Variants in KRT23 observed in about 807,000 individuals in gnomAD.
KRT23 encodes keratin 23.
KRT23 carries 38 observed loss-of-function variants against 47.6 expected under a neutral mutation model. The ratio of observed to expected loss-of-function variants is 0.80; its 90% CI spans 0.62 to 1.05. The LOEUF is 1.05. Among genes scored for constraint, KRT23 ranks in the 50% least tolerant of loss-of-function variants. The pLI is 0.00. For missense variants in KRT23, 503 were observed against 529.5 expected (o/e 0.95, Z 0.49); for synonymous variants, 191 against 199.0 (o/e 0.96, Z 0.34).
rs775468870 is a variant in KRT23, at chr17:40,936,591, G to T, written c.13C>A (p.His5Asn). 4 of 1,515,854 alleles carry T rather than the reference G, an allele frequency of 2.6e-6. No homozygotes were observed. The highest frequency in any genetic ancestry group is 1.8e-6 in the Non-Finnish European group (2 of 1,134,758). The allele number at this position is 1,515,854 out of a possible 1,614,324, so 93.9% of individuals were successfully genotyped here. A position where few individuals can be genotyped will look rare whatever the true frequency, so the allele number is the denominator to read the frequency against. ...GCCGAGGGGGTCTGGCTGAAGCTGT[G>T]TCCGGAGTTCATGGTCCCATCTGTG... The part of the protein sequence containing the change: MNSG[H>N]SFSQTPSASF... The change falls in exon 2 of 9, where the codon CAC (histidine) becomes AAC (asparagine). Residue 5 changes from histidine (H) to asparagine (N), a missense_variant. Coordinates refer to ENST00000209718, the MANE Select transcript of KRT23 (RefSeq NM_015515.5).
Position 40,928,557 on chromosome 17 carries a change from C to T in KRT23, c.687G>A (p.Val229=). ...VPSDFNVNVK[V]DTGPREDLIK... The stretch of plus-strand genomic sequence containing the variant: ...TCAGATCTTCCCTGGGACCTGTATC[C>T]ACCTTCACATTGACATTGAAGTCAC... The change falls in exon 5 of 9, where the codon GTG becomes GTA. Residue 229 remains valine (V), a synonymous_variant. Coordinates refer to ENST00000209718, the MANE Select transcript of KRT23 (RefSeq NM_015515.5). The T allele has an allele frequency of 1.9e-6, 3 of 1,613,914 alleles. No individual in the cohort carries two copies. Among genetic ancestry groups the T allele is most frequent in the Non-Finnish European group, 2.5e-6 (3 of 1,179,932 alleles).
Position 40,936,808 on chromosome 17 carries a change from CTGT to C in KRT23, c.-208_-206del, listed in dbSNP as rs1287240364. ...CAAAGTGCCCCTGGGCCTTCGCACA[CTGT>C]TGTTGTTTAGAGCCACATCAATATG... On this transcript the variant is annotated 5_prime_UTR_variant, in exon 2 of 9. Coordinates refer to ENST00000209718, the MANE Select transcript of KRT23 (RefSeq NM_015515.5). 1.4e-5 allele frequency: 6 copies of C among 439,810 alleles called. No homozygotes were observed. Among genetic ancestry groups the C allele is most frequent in the Non-Finnish European group, 2.4e-5 (6 of 253,606 alleles). The allele number at this position is 439,810 out of a possible 1,614,324, so 27.2% of individuals were successfully genotyped here.
intron 2 of KRT23, among the ~76,000 whole-genome samples, chr17:40,935,163 TACAG>T (rs1909975137): frequency 6.6e-6 from 1 of 151,748 alleles, no homozygotes; most frequent in Admixed American, 6.6e-5. Context: ...TTAAGGTAAT[TACAG>T]TCAGTTATTA....
At chr17:40,924,938 C>T (rs867213902) in intron 7 of KRT23, among the ~76,000 whole-genome samples, 2 of 151,790 alleles carry the variant, frequency 1.3e-5, no homozygotes, top group Non-Finnish European at 2.9e-5. Flanking sequence ...GTTGTTATTT[C>T]CTGGGGTGGC....
At chr17:40,927,694 G>T (rs1909317399) in intron 6 of KRT23, among the ~76,000 whole-genome samples, 1 of 152,194 alleles carries the variant, frequency 6.6e-6, no homozygotes, top group Non-Finnish European at 1.5e-5. Flanking sequence ...AGAGTTTTCT[G>T]GGTGATAAGA....
chr17:40,924,482 C>T lies in KRT23; in HGVS notation c.1164G>A (p.Ser388=), dbSNP rs747731639. 7 of 1,613,108 alleles carry T rather than the reference C, an allele frequency of 4.3e-6. No individual in the cohort carries two copies. Among genetic ancestry groups the T allele is most frequent in the South Asian group, 1.1e-5 (1 of 91,034 alleles). Residue 388 remains serine (S), a synonymous_variant, in exon 8 of 9, where the codon TCG becomes TCA. Coordinates refer to ENST00000209718, the MANE Select transcript of KRT23 (RefSeq NM_015515.5). ...AAGGAAATTTTTTACCTTTCATGCT[C>T]GACTTTGATTCTTCCCGTGTCCTAT... ...ESEGTREESK[S]SMKVSATPKI... is the part of the protein sequence containing the mutation.
chr17:40,927,633 G>C (rs527501256), intron 6 of KRT23, among the ~76,000 whole-genome samples: 3 of 152,132 alleles, frequency 2.0e-5, no homozygotes, highest in Non-Finnish European at 2.9e-5. Flanking sequence ...ACCATGCTAA[G>C]CATTTTTCTA....
At chr17:40,924,293 A>G (rs1487901393) in intron 8 of KRT23, among the ~76,000 whole-genome samples, 179 bp downstream of exon 8, 1 of 152,184 alleles carries the variant, frequency 6.6e-6, no homozygotes, top group African/African-American at 2.4e-5. Context: ...TATATTGAGG[A>G]CAATAATGAG....
At chr17:40,927,311 T>A (rs1372542654) in intron 6 of KRT23, among the ~76,000 whole-genome samples, 1 of 152,210 alleles carries the variant, frequency 6.6e-6, no homozygotes, top group East Asian at 1.9e-4. Context: ...TGAAAATGGG[T>A]ATACATGCCT....
In KRT23 at chr17:40,923,010, A is replaced by C. The variant is rs1909019183; in HGVS notation, c.1248T>G (p.Asn416Lys). The C allele has an allele frequency of 6.2e-7, 1 of 1,613,914 alleles. No individual in the cohort carries two copies. Among genetic ancestry groups the C allele is most frequent in the Non-Finnish European group, 8.5e-7 (1 of 1,179,758 alleles). ...GGTCTCATGCGTGCTTTTGGATTTC[A>C]TTCACTTGACAAAGAACTAATCTTC... ...INGRLVLCQV[N>K]EIQKHA Residue 416 changes from asparagine (N) to lysine (K), a missense_variant, in exon 9 of 9, where the codon AAT becomes AAG. By Grantham distance (94) the Asn-to-Lys change is moderately conservative (BLOSUM62 0). Transcript: ENST00000209718.
Position 40,936,686 on chromosome 17 carries a change from A to G in KRT23, c.-83T>C, listed in dbSNP as rs1330071165. The G allele has an allele frequency of 7.7e-7, 1 of 1,303,630 alleles. No individual in the cohort carries two copies. Among genetic ancestry groups the G allele is most frequent in the African/African-American group, 1.5e-5 (1 of 67,006 alleles). 80.8% of individuals were successfully genotyped at this position (1,303,630 alleles called of 1,614,324 possible). A position where few individuals can be genotyped will look rare whatever the true frequency, so the allele number is the denominator to read the frequency against. Reference sequence around the variant, plus strand: ...ACTGAGCCGCCCCAGACTGCCCTGGATGGTTTTATGGCCTTTGCTGTGGGA... The same window carrying G: ...ACTGAGCCGCCCCAGACTGCCCTGGGTGGTTTTATGGCCTTTGCTGTGGGA... On this transcript the variant is annotated 5_prime_UTR_variant, in exon 2 of 9. Transcript: ENST00000209718.
intron 2 of KRT23, among the ~76,000 whole-genome samples, chr17:40,934,782 G>A (rs1326991718): frequency 6.6e-6 from 1 of 152,148 alleles, no homozygotes; most frequent in Non-Finnish European, 1.5e-5. Flanking sequence ...TCCTTACAGG[G>A]TTCTTGCAGA....
In KRT23 at chr17:40,936,575, G is replaced by A. The variant is rs1910094423; in HGVS notation, c.29C>T (p.Thr10Ile). The A allele has an allele frequency of 2.0e-6, 3 of 1,519,116 alleles. No homozygotes were observed. Among genetic ancestry groups the A allele is most frequent in the African/African-American group, 2.8e-5 (2 of 71,786 alleles). The allele number at this position is 1,519,116 out of a possible 1,614,324, so 94.1% of individuals were successfully genotyped here. A position where few individuals can be genotyped will look rare whatever the true frequency, so the allele number is the denominator to read the frequency against. Residue 10 changes from threonine to isoleucine, a missense_variant, in exon 2 of 9, where the codon ACC becomes ATC. Thr to Ile is a moderately conservative substitution (Grantham distance 89). Coordinates refer to ENST00000209718, the MANE Select transcript of KRT23 (RefSeq NM_015515.5). The part of the protein sequence containing the change: MNSGHSFSQ[T>I]PSASFHGAGG... ...GGCGCCATGGAAGGAGGCCGAGGGG[G>A]TCTGGCTGAAGCTGTGTCCGGAGTT...
chr17:40,934,953 G>A (rs190137666), intron 2 of KRT23, among the ~76,000 whole-genome samples: 10 of 151,712 alleles, frequency 6.6e-5, no homozygotes, highest in Admixed American at 2.0e-4. Context: ...TCTCTTCCGC[G>A]AGCTCATAAA....
chr17:40,930,090 T>C lies in KRT23; in HGVS notation c.486A>G (p.Glu162=). The change falls in exon 4 of 9, where the codon GAA becomes GAG. Residue 162 remains glutamate, a synonymous_variant. Coordinates refer to ENST00000209718, the MANE Select transcript of KRT23 (RefSeq NM_015515.5). ...MAVDDFNLKY[E]NEHSFKKDLE... is the part of the protein sequence containing the mutation. ...AGTCTTTCTTAAAGGAGTGTTCATT[T>C]TCATACCTTTGGTGAGAAGGAAGAG... The C allele has an allele frequency of 1.9e-6, 3 of 1,614,108 alleles. No individual in the cohort carries two copies. Among genetic ancestry groups the C allele is most frequent in the Non-Finnish European group, 2.5e-6 (3 of 1,179,964 alleles).
At chr17:40,935,039 C>A (rs890058276) in intron 2 of KRT23, among the ~76,000 whole-genome samples, 2 of 151,320 alleles carry the variant, frequency 1.3e-5, no homozygotes, top group Non-Finnish European at 1.5e-5. Context: ...CAAAAATCTT[C>A]AATTCCTCCT....
Position 40,937,484 on chromosome 17 carries a change from G to C in KRT23, c.-489C>G, listed in dbSNP as rs1910177116. The C allele has an allele frequency of 6.6e-6, 1 of 152,286 alleles. No individual in the cohort carries two copies. The highest frequency in any genetic ancestry group is 1.5e-5 in the Non-Finnish European group (1 of 68,106). The allele number at this position is 152,286 out of a possible 1,614,324, so 9.4% of individuals were successfully genotyped here. On this transcript the variant is annotated 5_prime_UTR_variant, in exon 1 of 9. Transcript: ENST00000209718. ...CCGGACCCCGGCTGAGCCTGCCACGGCTGGGCTCTGTGTGTCTGTGACCTG... is the reference window on the plus strand; with the variant it reads ...CCGGACCCCGGCTGAGCCTGCCACGCCTGGGCTCTGTGTGTCTGTGACCTG...
chr17:40,922,858 GAA>G lies in KRT23; in HGVS notation c.*129_*130del. ...TGAGAAGTCTGGTGAGACTGTTACA[GAA>G]AAAAAAAATAAAAGTTTCTGAGTCT... On this transcript the variant is annotated 3_prime_UTR_variant, in exon 9 of 9. Coordinates refer to ENST00000209718, the MANE Select transcript of KRT23 (RefSeq NM_015515.5). 2 of 594,588 alleles carry G rather than the reference GAA, an allele frequency of 3.4e-6. No homozygotes were observed. The highest frequency in any genetic ancestry group is 5.9e-6 in the Non-Finnish European group (2 of 339,326). The allele number at this position is 594,588 out of a possible 1,614,324, so 36.8% of individuals were successfully genotyped here. A position where few individuals can be genotyped will look rare whatever the true frequency, so the allele number is the denominator to read the frequency against.
At chr17:40,931,099 C>T (rs1909638953) in intron 3 of KRT23, among the ~76,000 whole-genome samples, 1 of 150,518 alleles carries the variant, frequency 6.6e-6, no homozygotes, top group African/African-American at 2.5e-5. Context: ...GCAACCTCCA[C>T]CTCCTGGGTT....
Sources: allele counts gnomAD v4.1 joint callset (sites outside exome capture counted in the v4.1 genomes callset), GRCh38; gene constraint gnomAD v4.1.1; transcripts MANE v1.5; gene names NCBI Gene and HGNC (gene_info 2026-07-23, HGNC 2026-07-21).